The following F13A1 variants were observed in gnomAD, a reference collection of about 807,000 sequenced individuals.
F13A1 encodes the protein FSF, A subunit.
In F13A1, 47 loss-of-function variants were observed where a neutral mutation model predicts 80.1. The ratio of observed to expected loss-of-function variants is 0.59; its 90% CI spans 0.46 to 0.75. F13A1 has a LOEUF of 0.75. F13A1 is among the 30% of genes least tolerant of loss of function. F13A1 has a pLI of 0.00. For synonymous variants in F13A1, 349 were observed against 344.9 expected, an observed-to-expected ratio of 1.01 and a Z score of -0.13; for missense variants, 817 against 930.4, an observed-to-expected ratio of 0.88 and a Z score of 1.59.
In F13A1 at chr6:6,266,626, T is replaced by G. The variant is rs779361778; in HGVS notation, c.503A>C (p.Tyr168Ser). Residue 168 changes from tyrosine (Y) to serine (S), a missense_variant, in exon 4 of 15, where the codon TAT becomes TCT. Transcript: ENST00000264870. ...GTTTCGACTGGTTCGAAGTACGCCA[T>G]AGGGAGTCCAGACAGCAACATACAT... The part of the protein sequence containing the change: ...FRMYVAVWTP[Y>S]GVLRTSRNPE... The G allele has an allele frequency of 1.8e-5, 29 of 1,614,210 alleles. No individual in the cohort carries two copies. Among genetic ancestry groups the G allele is most frequent in the Non-Finnish European group, 2.3e-5 (27 of 1,180,038 alleles).
At chr6:6,192,073 A>G (rs1761211329) in intron 10 of F13A1, among the ~76,000 whole-genome samples, 1 of 152,204 alleles carries the variant, frequency 6.6e-6, no homozygotes, top group African/African-American at 2.4e-5. Flanking sequence ...TTTCCTAGCA[A>G]AAGGAGCAGT....
chr6:6,195,548 A>C lies in F13A1; in HGVS notation c.1305+249T>G, dbSNP rs1161133423. Among the ~76,000 whole-genome samples the C allele has an allele frequency of 2.6e-5, 4 of 152,244 alleles. No homozygotes were observed. The East Asian group carries it at 7.7e-4, about 29-fold the overall frequency. ...GATACTTAATGGGTGCAGAGAACTA[A>C]GCTAATGTTAGTAAAGCATTTACTT... is the stretch of plus-strand genomic sequence containing the variant. On this transcript the variant is annotated intron_variant, in intron 10 of 14. Coordinates refer to ENST00000264870, the MANE Select transcript of F13A1 (RefSeq NM_000129.4).
chr6:6,267,706 T>C (rs1481540367), intron 3 of F13A1, among the ~76,000 whole-genome samples: 1 of 151,970 alleles, frequency 6.6e-6, no homozygotes, highest in Non-Finnish European at 1.5e-5. Flanking sequence ...AAAAATAAAC[T>C]TAGAGATAAA....
At chr6:6,196,644 A>C (rs939548310) in intron 9 of F13A1, among the ~76,000 whole-genome samples, 1 of 152,158 alleles carries the variant, frequency 6.6e-6, no homozygotes, top group Admixed American at 6.5e-5. Flanking sequence ...CTGATTCTTT[A>C]TATTATCATA....
intron 12 of F13A1, among the ~76,000 whole-genome samples, chr6:6,171,220 G>A (rs768851449): frequency 2.8e-4 from 43 of 152,178 alleles, no homozygotes; most frequent in Admixed American, 5.2e-4. Context: ...GGCCCACTTG[G>A]GGCCAAGTTT....
intron 3 of F13A1, among the ~76,000 whole-genome samples, chr6:6,277,701 G>A (rs1243510922): frequency 6.6e-6 from 1 of 152,210 alleles, no homozygotes; most frequent in Non-Finnish European, 1.5e-5. Context: ...ATTTACCGAA[G>A]CTGCACACTA....
intron 10 of F13A1, among the ~76,000 whole-genome samples, chr6:6,183,604 T>G (rs755874417): frequency 6.6e-6 from 1 of 152,210 alleles, no homozygotes; most frequent in Non-Finnish European, 1.5e-5. Flanking sequence ...TGTTAGATAG[T>G]CAGGCTTGAG....
chr6:6,276,624 A>C (rs775358223), intron 3 of F13A1, among the ~76,000 whole-genome samples: 13 of 151,982 alleles, frequency 8.6e-5, no homozygotes, highest in African/African-American at 3.1e-4. Flanking sequence ...TAGGCTACAT[A>C]GCTATCAGGA....
intron 3 of F13A1, among the ~76,000 whole-genome samples, chr6:6,303,094 T>A (rs1365984671): frequency 6.6e-6 from 1 of 152,236 alleles, no homozygotes; most frequent in African/African-American, 2.4e-5. Context: ...TCTTACTTCA[T>A]GAAACCAACA....
At position 6,167,484 on chromosome 6, in the gene F13A1, G is replaced by C. The variant is rs1760697749; in HGVS notation, c.1882C>G (p.Leu628Val). 3 of 1,613,980 alleles carry C rather than the reference G, an allele frequency of 1.9e-6. No homozygotes were observed. In the South Asian group the frequency reaches 3.3e-5, roughly 18 times the overall value. ...DVLAKQKSTV[L>V]TIPEIIIKVR... Reference sequence around the variant, plus strand: ...TTGATGATGATCTCAGGGATGGTTAGCACGGTGGACTTTTGCTTGGCCAGA... The same window carrying C: ...TTGATGATGATCTCAGGGATGGTTACCACGGTGGACTTTTGCTTGGCCAGA... Residue 628 changes from leucine (L) to valine (V), a missense_variant, in exon 13 of 15, where the codon CTA (leucine) becomes GTA (valine). Physicochemically the swap from Leu to Val is conservative, Grantham distance 32. Coordinates refer to ENST00000264870, the MANE Select transcript of F13A1 (RefSeq NM_000129.4).
intron 2 of F13A1, among the ~76,000 whole-genome samples, chr6:6,306,630 A>T (rs939532983): frequency 6.6e-6 from 1 of 152,102 alleles, no homozygotes; most frequent in Non-Finnish European, 1.5e-5. Flanking sequence ...CTGCATGTGC[A>T]TTTGGCATTG....
In F13A1 at chr6:6,281,789, C is replaced by G. The variant is rs763286372; in HGVS notation, c.320-14980G>C. 1.6e-4 allele frequency among the ~76,000 whole-genome samples: 25 copies of G among 151,662 alleles called. 1 individual carries two copies. The highest frequency in any genetic ancestry group is 2.9e-5 in the Non-Finnish European group (2 of 67,926). On this transcript the variant is annotated intron_variant, in intron 3 of 14. Coordinates refer to ENST00000264870, the MANE Select transcript of F13A1 (RefSeq NM_000129.4). The stretch of plus-strand genomic sequence containing the variant: ...CAGGCAGATCACGAGGTCAGGAGAT[C>G]GAGACCATCCTGGCGAACTTGGTGA...
chr6:6,263,415 C>G lies in F13A1; in HGVS notation c.571+3143G>C, dbSNP rs564375055. Reference sequence around the variant, plus strand: ...GAGTTGACTGCTGTCTTGAATCTATCAATGTGTCTGGCTCTGGGCTCTTTT... The same window carrying G: ...GAGTTGACTGCTGTCTTGAATCTATGAATGTGTCTGGCTCTGGGCTCTTTT... On this transcript the variant is annotated intron_variant, in intron 4 of 14. Coordinates refer to ENST00000264870, the MANE Select transcript of F13A1 (RefSeq NM_000129.4). Among the ~76,000 whole-genome samples the G allele has an allele frequency of 3.3e-5, 5 of 152,316 alleles. No homozygotes were observed. The South Asian group carries it at 1.0e-3, about 32-fold the overall frequency.
At chr6:6,234,988 A>G (rs1349040876) in intron 6 of F13A1, among the ~76,000 whole-genome samples, 2 of 152,072 alleles carry the variant, frequency 1.3e-5, no homozygotes, top group Non-Finnish European at 2.9e-5. Flanking sequence ...GACTCACACA[A>G]ATACAGTTAA....
chr6:6,147,089 GC>G (rs1312346680), intron 14 of F13A1, among the ~76,000 whole-genome samples: 2 of 152,218 alleles, frequency 1.3e-5, no homozygotes, highest in Non-Finnish European at 2.9e-5. Context: ...TCACTCATAA[GC>G]TGGAGCTAAG....
chr6:6,217,578 G>A (rs899428762), intron 8 of F13A1, among the ~76,000 whole-genome samples: 1 of 151,688 alleles, frequency 6.6e-6, no homozygotes, highest in African/African-American at 2.4e-5. Flanking sequence ...ACCTAATGCT[G>A]GATGACGAGT....
chr6:6,271,746 G>A (rs905196848), intron 3 of F13A1, among the ~76,000 whole-genome samples: 3 of 152,198 alleles, frequency 2.0e-5, no homozygotes, highest in Non-Finnish European at 4.4e-5. Context: ...TATGCTCTTA[G>A]TTTCAGTGCT....
In F13A1 at chr6:6,182,196, G is replaced by A. The variant is rs549536781; in HGVS notation, c.1306-55C>T. The A allele has an allele frequency of 2.6e-4, 418 of 1,591,484 alleles. 1 individual carries two copies. Among genetic ancestry groups the A allele is most frequent in the Middle Eastern group, 2.5e-3 (15 of 6,034 alleles). ...TCATCACATGTCTGCTGTTGCCAAA[G>A]TCTTTAACTGTCCATAGAGCAGTCG... is the stretch of plus-strand genomic sequence containing the variant. On this transcript the variant is annotated intron_variant, in intron 10 of 14. Coordinates refer to ENST00000264870, the MANE Select transcript of F13A1 (RefSeq NM_000129.4).
At chr6:6,197,456 A>G (rs2151082718) in intron 8 of F13A1, 130 bp from the exon 9 acceptor site, 1 of 803,692 alleles carries the variant, frequency 1.2e-6, no homozygotes, top group South Asian at 1.4e-5. Flanking sequence ...AAGGCAGGTG[A>G]GTCACAAGGT....
Sources: gnomAD v4.1 joint callset for allele counts (sites outside exome capture counted in the v4.1 genomes callset) on GRCh38, gnomAD v4.1.1 for gene constraint, MANE v1.5 for transcripts, NCBI Gene and HGNC (gene_info 2026-07-23, HGNC 2026-07-21) for gene names.